Variants in PLCG2 observed in about 807,000 individuals in gnomAD.
PLCG2 encodes the protein phospholipase C gamma 2, also known as 1-phosphatidylinositol 4,5-bisphosphate phosphodiesterase gamma-2.
A neutral mutation model predicts 175.6 loss-of-function variants in PLCG2; 69 were observed. The observed-to-expected ratio is 0.39, with a 90% confidence interval of 0.32 to 0.48. The LOEUF (loss-of-function observed/expected upper bound fraction) is 0.48, where lower values mean the gene tolerates loss of function less well. Among genes scored for constraint, PLCG2 ranks in the 20% least tolerant of loss-of-function variants. PLCG2 has a pLI of 0.91. For synonymous variants in PLCG2, 827 were observed against 624.0 expected, an observed-to-expected ratio of 1.33 and a Z score of -4.85; for missense variants, 1,798 against 1,650.9, an observed-to-expected ratio of 1.09 and a Z score of -1.54.
At chr16:81,954,041 G>C (rs1287556097) in intron 31 of PLCG2, among the ~76,000 whole-genome samples, 1 of 152,080 alleles carries the variant, frequency 6.6e-6, no homozygotes, top group Non-Finnish European at 1.5e-5. Flanking sequence ...TTTATTTTTT[G>C]AGACAGGGTC....
upstream of PLCG2, among the ~76,000 whole-genome samples, chr16:81,776,591 A>G (rs1432343706): frequency 6.6e-6 from 1 of 151,968 alleles, no homozygotes; most frequent in Non-Finnish European, 1.5e-5. Flanking sequence ...GTCTTGATCT[A>G]TCACCTATGC....
intron 2 of PLCG2, among the ~76,000 whole-genome samples, chr16:81,841,914 A>C (rs1300312269): frequency 3.3e-5 from 5 of 152,366 alleles, no homozygotes; most frequent in African/African-American, 1.2e-4. Flanking sequence ...ACTTAAAGTG[A>C]AACCACCAGC....
chr16:81,903,666 C>A (rs1418184362), intron 14 of PLCG2, among the ~76,000 whole-genome samples: 1 of 152,172 alleles, frequency 6.6e-6, no homozygotes, highest in Non-Finnish European at 1.5e-5. Flanking sequence ...GGGAGCTCGG[C>A]CATGGAGGGT....
At chr16:81,887,370 C>T (rs1037524111) in intron 9 of PLCG2, among the ~76,000 whole-genome samples, 22 of 152,148 alleles carry the variant, frequency 1.4e-4, no homozygotes, top group African/African-American at 5.3e-4. Context: ...CCGCCCACCT[C>T]GGCCTCCCAA....
rs1177721941 is a variant in PLCG2, at chr16:81,900,595, C to T, written c.1194-17C>T. 1 of 1,580,308 alleles carries T rather than the reference C, an allele frequency of 6.3e-7. No homozygotes were observed. The highest frequency in any genetic ancestry group is 8.7e-7 in the Non-Finnish European group (1 of 1,153,900). ...TGTGCTCCCCCTGCCGAGCTGCCCA[C>T]CCTCTTCTGCCTGCAGCTTCCCAGT... On this transcript the variant is annotated splice_polypyrimidine_tract_variant and intron_variant, in intron 13 of 32. Transcript: ENST00000564138.
chr16:81,905,755 C>T (rs118019082), intron 15 of PLCG2, among the ~76,000 whole-genome samples: 6,780 of 152,236 alleles, frequency 0.045, 198 homozygotes, highest in Non-Finnish European at 0.067. Context: ...ACCTCCCAGG[C>T]TCAAGTGATC....
rs1041895020 is a variant in PLCG2 at position 81,858,491 on chromosome 16, G to A, written c.431+135G>A. The stretch of plus-strand genomic sequence containing the variant: ...TTGAGGCTCGTTGAGTGTCTTGTAT[G>A]CAATGGGTGCCTAGTAGCGGTGTGG... On this transcript the variant is annotated intron_variant, in intron 4 of 32. Transcript: ENST00000564138. 1.2e-5 allele frequency: 8 copies of A among 684,432 alleles called. No homozygotes were observed. The East Asian group carries it at 1.6e-4, about 13-fold the overall frequency. The allele number at this position is 684,432 out of a possible 1,614,324, so 42.4% of individuals were successfully genotyped here.
chr16:81,900,934 C>T (rs1032710313), intron 14 of PLCG2, among the ~76,000 whole-genome samples, 154 bp downstream of exon 14: 2 of 152,200 alleles, frequency 1.3e-5, no homozygotes, highest in African/African-American at 2.4e-5. Flanking sequence ...AACACTGTGA[C>T]CTTAGGCAAA....
At chr16:81,808,199 A>C (rs567585372) in intron 2 of PLCG2, among the ~76,000 whole-genome samples, 1 of 152,198 alleles carries the variant, frequency 6.6e-6, no homozygotes, top group Admixed American at 6.5e-5. Context: ...TCATTTAAGC[A>C]TTTGTGACTA....
intron 13 of PLCG2, among the ~76,000 whole-genome samples, chr16:81,899,305 T>C (rs954043607): frequency 1.2e-3 from 176 of 149,260 alleles, no homozygotes; most frequent in African/African-American, 4.2e-3. Flanking sequence ...CACACACACA[T>C]AAATATATAT....
chr16:81,892,952 C>G (rs1481030724), intron 11 of PLCG2, among the ~76,000 whole-genome samples: 5 of 151,700 alleles, frequency 3.3e-5, no homozygotes, highest in African/African-American at 1.2e-4. Flanking sequence ...TCAACAGATT[C>G]TCCTGCCTCA....
rs780503141 is a variant in PLCG2, at chr16:81,880,915, C to G, written c.654C>G (p.Leu218=). The change falls in exon 8 of 33, where the codon CTC becomes CTG. Residue 218 remains leucine, a synonymous_variant. Transcript: ENST00000564138. ...KLMFEQQKSI[L]DEFKKDSSVF... is the part of the protein sequence containing the mutation. ...GTGTGTGCTTTCCATTTCAGATTCT[C>G]GATGAATTCAAAAAGGATTCGTCCG... 6.2e-7 allele frequency: 1 copy of G among 1,613,878 alleles called. No individual in the cohort carries two copies. Among genetic ancestry groups the G allele is most frequent in the Non-Finnish European group, 8.5e-7 (1 of 1,179,878 alleles).
chr16:81,791,234 GA>G (rs1911217622), intron 2 of PLCG2, among the ~76,000 whole-genome samples: 1 of 152,158 alleles, frequency 6.6e-6, no homozygotes. Context: ...TGTGAGGAGG[GA>G]AGGTTTTTGT....
At chr16:81,814,829 T>G (rs1904467888) in intron 2 of PLCG2, among the ~76,000 whole-genome samples, 1 of 152,218 alleles carries the variant, frequency 6.6e-6, no homozygotes, top group Non-Finnish European at 1.5e-5. Context: ...AACCTTAGTT[T>G]CTTTGTCTCT....
At chr16:81,883,432 TCACCTGTGCTCACCTGGC>T (rs1024385696) in intron 9 of PLCG2, 91 bp downstream of exon 9, 116 of 942,096 alleles carry the variant, frequency 1.2e-4, no homozygotes, top group South Asian at 5.1e-4. Context: ...GCTCACCTGG[TCACCTGTGCTCACCTGGC>T]CACCTGTGCT....
intron 1 of PLCG2, among the ~76,000 whole-genome samples, chr16:81,745,779 T>A (rs1002339795): frequency 6.6e-6 from 1 of 152,210 alleles, no homozygotes; most frequent in Non-Finnish European, 1.5e-5. Context: ...CCCAGGCTGA[T>A]TCAGCAGATC....
intron 2 of PLCG2, among the ~76,000 whole-genome samples, chr16:81,833,415 G>T (rs1172088550): frequency 6.6e-6 from 1 of 151,558 alleles, no homozygotes; most frequent in African/African-American, 2.4e-5. Flanking sequence ...CGGGGTGGCC[G>T]TTCCCTGTGG....
intron 26 of PLCG2, chr16:81,935,872 C>T: frequency 2.0e-6 from 2 of 985,152 alleles, no homozygotes; most frequent in Non-Finnish European, 2.4e-6. Flanking sequence ...TATAACTGTA[C>T]CACTTTTGTG....
chr16:81,902,834 A>G (rs544804418), intron 14 of PLCG2, among the ~76,000 whole-genome samples: 177 of 152,328 alleles, frequency 1.2e-3, no homozygotes, highest in African/African-American at 3.9e-3. Flanking sequence ...TCAGAAGGCA[A>G]AGGAGGAGCA....
Sources: allele counts gnomAD v4.1 joint callset (sites outside exome capture counted in the v4.1 genomes callset), GRCh38; gene constraint gnomAD v4.1.1; transcripts MANE v1.5; gene names NCBI Gene and HGNC (gene_info 2026-07-23, HGNC 2026-07-21).